ROBO2: variants seen among roughly 807,000 people sequenced by gnomAD.
ROBO2 encodes roundabout homolog 2.
Under a neutral mutation model 160.8 loss-of-function variants are expected in ROBO2, and 53 were observed. The ratio of observed to expected loss-of-function variants is 0.33; its 90% CI spans 0.26 to 0.41. The LOEUF (loss-of-function observed/expected upper bound fraction) is 0.41, where lower values mean the gene tolerates loss of function less well. ROBO2 is among the 10% of genes least tolerant of loss of function. The pLI is 1.00. For missense variants in ROBO2, 1,577 were observed against 1,722.4 expected, an observed-to-expected ratio of 0.92 and a Z score of 1.49; for synonymous variants, 664 against 611.7, an observed-to-expected ratio of 1.09 and a Z score of -1.26.
rs964162884 is a variant in ROBO2 at position 77,224,665 on chromosome 3, T to C, written c.388+126325T>C. On this transcript the variant is annotated intron_variant, in intron 2 of 25. Coordinates refer to ENST00000461745, the Ensembl canonical transcript of ROBO2. ...TTTGATTTATTTGGAAGGTGTTTTT[T>C]GTTTTTGTTTTATTTTAGAACTAAA... 4.7e-4 allele frequency among the ~76,000 whole-genome samples: 72 copies of C among 151,890 alleles called. 3 individuals carry two copies. The highest frequency in any genetic ancestry group is 7.4e-5 in the Non-Finnish European group (5 of 67,802).
chr3:77,559,761 TACATGCACAC>T (rs1366700023), intron 9 of ROBO2, among the ~76,000 whole-genome samples: 1 of 152,090 alleles, frequency 6.6e-6, no homozygotes, highest in Non-Finnish European at 1.5e-5. Flanking sequence ...CTATTTTTGC[TACATGCACAC>T]ACATGCACAC....
At chr3:77,426,956 C>T (rs943174067) in intron 2 of ROBO2, among the ~76,000 whole-genome samples, 2 of 152,182 alleles carry the variant, frequency 1.3e-5, no homozygotes, top group South Asian at 4.1e-4. Context: ...TGTTTGAACT[C>T]TATGTTCTCT....
intron 2 of ROBO2, among the ~76,000 whole-genome samples, chr3:76,159,919 G>A (rs1607029): frequency 0.97 from 148,107 of 152,170 alleles, 72,206 homozygotes; most frequent in East Asian, 1. Flanking sequence ...TCAGGACTGT[G>A]AGGTAGATGC....
intron 2 of ROBO2, among the ~76,000 whole-genome samples, chr3:76,551,052 C>T (rs1421331612): frequency 6.6e-6 from 1 of 152,022 alleles, no homozygotes; most frequent in East Asian, 1.9e-4. Flanking sequence ...GGCGAGCTGC[C>T]AGCTCCAGGT....
intron 2 of ROBO2, among the ~76,000 whole-genome samples, chr3:76,013,817 G>A (rs1310401145): frequency 6.6e-6 from 1 of 151,574 alleles, no homozygotes; most frequent in East Asian, 1.9e-4. Context: ...TGGAGGCTGG[G>A]CACAGTGGCT....
intron 2 of ROBO2, among the ~76,000 whole-genome samples, chr3:77,376,978 A>G (rs899515371): frequency 6.6e-6 from 1 of 152,190 alleles, no homozygotes; most frequent in Admixed American, 6.5e-5. Context: ...TTATTTCCTC[A>G]TTCTCATTAA....
intron 2 of ROBO2, among the ~76,000 whole-genome samples, chr3:77,108,251 C>CATATATATGTATACACATATGCATATAT (rs2073094146): frequency 8.2e-6 from 1 of 121,438 alleles, no homozygotes; most frequent in Admixed American, 8.1e-5. Flanking sequence ...TACACATATG[C>CATATATATGTATACACATATGCATATAT]ATATATATGT....
At chr3:76,335,290 C>T (rs962170456) in intron 2 of ROBO2, among the ~76,000 whole-genome samples, 1 of 147,296 alleles carries the variant, frequency 6.8e-6, no homozygotes, top group Non-Finnish European at 1.5e-5. Flanking sequence ...AAGCAATTCT[C>T]CTGCCTCAGC....
At chr3:77,276,261 T>C (rs1351026398) in intron 2 of ROBO2, among the ~76,000 whole-genome samples, 2 of 151,958 alleles carry the variant, frequency 1.3e-5, no homozygotes, top group East Asian at 1.9e-4. Context: ...TACCTTAGCA[T>C]AGTGTTTCTG....
intron 1 of ROBO2, among the ~76,000 whole-genome samples, chr3:77,066,031 A>T (rs1310888101): frequency 1.3e-5 from 2 of 152,106 alleles, no homozygotes; most frequent in African/African-American, 2.4e-5. Context: ...ATGGGTTTTT[A>T]AAAAAATGTG....
intron 2 of ROBO2, among the ~76,000 whole-genome samples, chr3:76,320,587 G>A (rs887705529): frequency 6.6e-6 from 1 of 152,198 alleles, no homozygotes; most frequent in Non-Finnish European, 1.5e-5. Context: ...AATCTCTAAT[G>A]TAATAGTTGG....
At chr3:76,385,654 T>C (rs1045701351) in intron 2 of ROBO2, among the ~76,000 whole-genome samples, 11 of 152,222 alleles carry the variant, frequency 7.2e-5, no homozygotes, top group African/African-American at 2.7e-4. Context: ...GCTCTGAAAA[T>C]CACACAGTCC....
chr3:76,003,924 C>T (rs189710580), intron 2 of ROBO2, among the ~76,000 whole-genome samples: 1 of 152,290 alleles, frequency 6.6e-6, no homozygotes, highest in Admixed American at 6.5e-5. Flanking sequence ...AATAAAATTA[C>T]AGAAGACAGA....
chr3:77,126,782 C>CTTTTTTTT (rs11365042), intron 2 of ROBO2, among the ~76,000 whole-genome samples: 8 of 62,636 alleles, frequency 1.3e-4, no homozygotes, highest in Non-Finnish European at 1.9e-4. Context: ...TTTGAAACTT[C>CTTTTTTTT]TTTTTTTTTT....
chr3:76,737,717 T>C (rs2093736470), intron 2 of ROBO2, among the ~76,000 whole-genome samples: 1 of 152,162 alleles, frequency 6.6e-6, no homozygotes, highest in Non-Finnish European at 1.5e-5. Context: ...TCAACTTTAC[T>C]CTAGAGAAAT....
At chr3:76,218,642 C>T (rs1478815188) in intron 2 of ROBO2, among the ~76,000 whole-genome samples, 1 of 152,096 alleles carries the variant, frequency 6.6e-6, no homozygotes, top group African/African-American at 2.4e-5. Flanking sequence ...AACTACAAAC[C>T]ACTGCTCAAG....
chr3:76,979,744 T>TAC (rs138996245), intron 2 of ROBO2, among the ~76,000 whole-genome samples: 5,866 of 147,462 alleles, frequency 0.04, 208 homozygotes, highest in African/African-American at 0.099. Flanking sequence ...TTACTTTTCT[T>TAC]ACACACACAC....
chr3:77,287,072 A>G lies in ROBO2; in HGVS notation c.388+188732A>G, dbSNP rs192612746. On this transcript the variant is annotated intron_variant, in intron 2 of 25. Transcript: ENST00000461745. ...CTCTGCTTATTAGACAAAGTGCAAA[A>G]AGCATTACATCTGGAGTTCATAAGC... 2.4e-3 allele frequency among the ~76,000 whole-genome samples: 373 copies of G among 152,326 alleles called. 1 individual carries two copies. Among genetic ancestry groups the G allele is most frequent in the African/African-American group, 8.7e-3 (363 of 41,580 alleles).
intron 2 of ROBO2, among the ~76,000 whole-genome samples, chr3:76,798,170 G>GAA (rs1553909247): frequency 8.8e-6 from 1 of 113,906 alleles, no homozygotes; most frequent in Non-Finnish European, 1.8e-5. Flanking sequence ...AAGAAAGAAA[G>GAA]GGAGAGAAAG....
Sources: gnomAD v4.1 joint callset for allele counts (sites outside exome capture counted in the v4.1 genomes callset) on GRCh38, gnomAD v4.1.1 for gene constraint, MANE v1.5 for transcripts, NCBI Gene and HGNC (gene_info 2026-07-23, HGNC 2026-07-21) for gene names.